BEST3: variants seen among roughly 807,000 people sequenced by gnomAD.
The protein encoded by BEST3 is bestrophin-3.
A neutral mutation model predicts 47.1 loss-of-function variants in BEST3; 50 were observed. The observed-to-expected ratio is 1.06, with a 90% CI of 0.85 to 1.34. The LOEUF (loss-of-function observed/expected upper bound fraction) is 1.34. Ranked by LOEUF, BEST3 falls within the 40% of genes most tolerant of loss-of-function variation. BEST3 has a pLI of 0.00. For synonymous variants in BEST3, 282 were observed against 298.8 expected (o/e 0.94, Z 0.58); for missense variants, 765 against 817.0 (o/e 0.94, Z 0.78).
In BEST3 at chr12:69,694,380, G is replaced by T. The variant is rs747308334; in HGVS notation, c.237C>A (p.Thr79=). Residue 79 remains threonine, a synonymous_variant, in exon 3 of 10, where the codon ACC becomes ACA. Transcript: ENST00000330891. ...CDRYAEQIPV[T]FVLGFYVTLV... is the part of the protein sequence containing the mutation. ...GTGACCTATACTTACCAAGCACAAAGGTTACTGGAATTTGTTCAGCATATC... is the reference window on the plus strand; with the variant it reads ...GTGACCTATACTTACCAAGCACAAATGTTACTGGAATTTGTTCAGCATATC... 6.2e-7 allele frequency: 1 copy of T among 1,601,964 alleles called. No homozygotes were observed. The highest frequency in any genetic ancestry group is 8.5e-7 in the Non-Finnish European group (1 of 1,173,394).
chr12:69,650,655 A>G (rs1363319742), downstream of BEST3, among the ~76,000 whole-genome samples: 1 of 152,228 alleles, frequency 6.6e-6, no homozygotes, highest in African/African-American at 2.4e-5. Flanking sequence ...AGGGTCTTCT[A>G]ACTTTGAACC....
At position 69,655,943 on chromosome 12, in the gene BEST3, T is replaced by C. The variant is rs566602291; in HGVS notation, c.1101-130A>G. 34 of 1,379,446 alleles carry C rather than the reference T, an allele frequency of 2.5e-5. No individual in the cohort carries two copies. The South Asian group carries it at 3.5e-4, about 14-fold the overall frequency. 85.5% of individuals were successfully genotyped at this position (1,379,446 alleles called of 1,614,324 possible). On this transcript the variant is annotated intron_variant, in intron 9 of 9. Transcript: ENST00000330891. The stretch of plus-strand genomic sequence containing the variant: ...ATTTTTTAAATGGGGGTTTGAGGAC[T>C]TGAGATAGTCTAGCAGAGGCTCACA...
intron 1 of BEST3, among the ~76,000 whole-genome samples, chr12:69,698,077 T>C (rs1331147798): frequency 6.6e-6 from 1 of 152,208 alleles, no homozygotes; most frequent in African/African-American, 2.4e-5. Context: ...TTAGATTATA[T>C]AGCCATTGGC....
intron 2 of BEST3, among the ~76,000 whole-genome samples, chr12:69,697,312 A>G (rs773158473): frequency 3.9e-5 from 6 of 152,200 alleles, no homozygotes; most frequent in Non-Finnish European, 7.4e-5. Context: ...AGCACAAATA[A>G]TTATTGTCTG....
chr12:69,683,211 G>C (rs574498477), intron 4 of BEST3: 2 of 152,330 alleles, frequency 1.3e-5, no homozygotes, highest in African/African-American at 4.8e-5. Flanking sequence ...GATTGAAAGA[G>C]GACAAGTAGA....
At chr12:69,664,112 A>G (rs1486694622) in intron 9 of BEST3, among the ~76,000 whole-genome samples, 2 of 152,184 alleles carry the variant, frequency 1.3e-5, no homozygotes, top group African/African-American at 4.8e-5. Flanking sequence ...TCAGATTTTT[A>G]ACTGGCCTTT....
At chr12:69,692,242 A>G (rs1358561428) in intron 4 of BEST3, among the ~76,000 whole-genome samples, 1 of 152,144 alleles carries the variant, frequency 6.6e-6, no homozygotes, top group East Asian at 1.9e-4. Context: ...GAAAATATCT[A>G]TTTTTCAGGA....
At chr12:69,648,629 C>T (rs146330874), downstream of BEST3, among the ~76,000 whole-genome samples, 16 of 152,216 alleles carry the variant, frequency 1.1e-4, no homozygotes, top group East Asian at 1.9e-4. Flanking sequence ...CAGAACTTCC[C>T]GGACACTCAG....
At chr12:69,648,820 TC>T (rs1236164968), downstream of BEST3, among the ~76,000 whole-genome samples, 1 of 152,164 alleles carries the variant, frequency 6.6e-6, no homozygotes. Context: ...ACTGACCCAA[TC>T]CTTTGTAACT....
chr12:69,670,273 C>A (rs1057087672), intron 9 of BEST3: 13 of 590,306 alleles, frequency 2.2e-5, no homozygotes, highest in Non-Finnish European at 3.9e-5. Flanking sequence ...AGCTCTCTGG[C>A]CTGGAAGGAG....
chr12:69,694,283 G>T, intron 3 of BEST3, 87 bp downstream of exon 3: 1 of 810,652 alleles, frequency 1.2e-6, no homozygotes, highest in Non-Finnish European at 1.9e-6. Flanking sequence ...ATGCCTCTCA[G>T]CTTGGAAACA....
rs1468490104 is a variant in BEST3 at position 69,655,431 on chromosome 12, TG to T, written c.1482del (p.Ile495SerfsTer10). The T allele has an allele frequency of 1.2e-6, 2 of 1,613,992 alleles. No homozygotes were observed. The highest frequency in any genetic ancestry group is 1.7e-6 in the Non-Finnish European group (2 of 1,180,008). On this transcript the variant is annotated frameshift_variant, in exon 10 of 10. Coordinates refer to ENST00000330891, the MANE Select transcript of BEST3 (RefSeq NM_032735.3). LOFTEE classifies it low-confidence loss of function (END_TRUNC). ...LTPQSSVRTSPIKMPLVPEVL... is the reference protein window; with the variant it reads ...LTPQSSVRTSXIKMPLVPEVL... ...ACCTCAGGTACCAGTGGCATTTTGA[TG>T]GGGGAAGTTCTCACACTGGACTGTG...
chr12:69,677,654 G>A (rs933620718), intron 5 of BEST3, among the ~76,000 whole-genome samples: 1 of 152,064 alleles, frequency 6.6e-6, no homozygotes, highest in Non-Finnish European at 1.5e-5. Flanking sequence ...GGTGGCACAC[G>A]CCTGTAGTCC....
chr12:69,678,585 C>T, intron 5 of BEST3, 154 bp downstream of exon 5: 1 of 685,178 alleles, frequency 1.5e-6, no homozygotes, highest in Admixed American at 2.9e-5. Context: ...CACCTCTGTC[C>T]TGCATGTTGA....
chr12:69,643,784 T>C (rs1195649068), exon 10 of BEST3: 2 of 714,688 alleles, frequency 2.8e-6, no homozygotes, highest in Non-Finnish European at 5.2e-6. Flanking sequence ...TAGGCATCTG[T>C]TTCCTGGGGA....
intron 4 of BEST3, among the ~76,000 whole-genome samples, chr12:69,689,705 C>T (rs1046534039): frequency 2.0e-5 from 3 of 152,264 alleles, no homozygotes; most frequent in African/African-American, 7.2e-5. Context: ...CAATTCTCTT[C>T]TCCCTTCATC....
chr12:69,650,966 C>A (rs545423340), downstream of BEST3, among the ~76,000 whole-genome samples: 12 of 152,256 alleles, frequency 7.9e-5, no homozygotes, highest in South Asian at 2.5e-3. Context: ...GTTTTCTGAG[C>A]CAGGCACAGT....
Position 69,678,833 on chromosome 12 carries a change from T to C in BEST3, c.542A>G (p.Tyr181Cys). The part of the protein sequence containing the change: ...FNHLKSPHLK[Y>C]WVPFIWFGNL... ...TCCAAACCAGATGAATGGAACCCAATATTTCAGATGAGGAGACTTGAGGTG... is the reference window on the plus strand; with the variant it reads ...TCCAAACCAGATGAATGGAACCCAACATTTCAGATGAGGAGACTTGAGGTG... The change falls in exon 5 of 10, where the codon TAT becomes TGT. Residue 181 changes from tyrosine to cysteine, a missense_variant. Tyr to Cys is a radical substitution (Grantham distance 194, BLOSUM62 -2). Transcript: ENST00000330891. The C allele has an allele frequency of 6.2e-7, 1 of 1,613,906 alleles. No homozygotes were observed. The highest frequency in any genetic ancestry group is 8.5e-7 in the Non-Finnish European group (1 of 1,179,784).
At chr12:69,684,552 A>G in intron 4 of BEST3, 2 of 677,950 alleles carry the variant, frequency 3.0e-6, no homozygotes, top group South Asian at 1.6e-5. Context: ...TAGCAGAGGA[A>G]CTAAAAGCTC....
Sources: gnomAD v4.1 joint callset for allele counts (sites outside exome capture counted in the v4.1 genomes callset) on GRCh38, gnomAD v4.1.1 for gene constraint, MANE v1.5 for transcripts, NCBI Gene and HGNC (gene_info 2026-07-23, HGNC 2026-07-21) for gene names.